Variants in DCDC2C observed in about 807,000 individuals in gnomAD.
DCDC2C encodes the protein doublecortin domain-containing protein 2C.
Under a neutral mutation model 45.0 loss-of-function variants are expected in DCDC2C, and 44 were observed. The observed-to-expected ratio is 0.98, with a 90% CI of 0.77 to 1.26. DCDC2C has a LOEUF of 1.26. DCDC2C is among the 50% of genes most tolerant of loss of function. The probability of loss-of-function intolerance (pLI) is 0.00; values close to 1 mark genes in which losing one functional copy is unlikely to be tolerated. For synonymous variants in DCDC2C, 187 were observed against 178.8 expected (o/e 1.05, Z -0.37); for missense variants, 447 against 468.9 (o/e 0.95, Z 0.43).
chr2:3,754,745 T>G, intron 6 of DCDC2C, 111 bp downstream of exon 6: 1 of 881,354 alleles, frequency 1.1e-6, no homozygotes, highest in South Asian at 1.8e-5. Flanking sequence ...AGAGCATCAG[T>G]GCCAGGGCCT....
chr2:3,725,403 C>T (rs899249538), intron 2 of DCDC2C, among the ~76,000 whole-genome samples: 2 of 97,814 alleles, frequency 2.0e-5, no homozygotes, highest in Non-Finnish European at 4.5e-5. Context: ...GGTGTAGGGG[C>T]AGAGAGTGAG....
chr2:3,760,083 T>G (rs1425817951), intron 6 of DCDC2C, among the ~76,000 whole-genome samples: 2 of 152,210 alleles, frequency 1.3e-5, no homozygotes, highest in Non-Finnish European at 2.9e-5. Flanking sequence ...TCCCTCTTAT[T>G]TTACTCTTCC....
chr2:3,846,046 G>A (rs1257542416), intron 10 of DCDC2C, among the ~76,000 whole-genome samples: 1 of 152,154 alleles, frequency 6.6e-6, no homozygotes, highest in Non-Finnish European at 1.5e-5. Context: ...AGTCACATGA[G>A]ACCTGTAGCT....
At chr2:3,739,822 A>G (rs962930826) in intron 3 of DCDC2C, among the ~76,000 whole-genome samples, 9 of 152,238 alleles carry the variant, frequency 5.9e-5, no homozygotes, top group African/African-American at 2.2e-4. Flanking sequence ...CAAGCCACCT[A>G]TACAGACGGC....
At chr2:3,819,482 G>GTA (rs1174721114) in intron 10 of DCDC2C, among the ~76,000 whole-genome samples, 10 of 152,322 alleles carry the variant, frequency 6.6e-5, no homozygotes, top group African/African-American at 1.9e-4. Flanking sequence ...GCAAGGAATT[G>GTA]CAACTCTTCT....
At chr2:3,756,078 G>A (rs1018485920) in intron 6 of DCDC2C, among the ~76,000 whole-genome samples, 1 of 150,580 alleles carries the variant, frequency 6.6e-6, no homozygotes, top group Non-Finnish European at 1.5e-5. Context: ...GGATGCATAT[G>A]TGTGTGTGTG....
intron 10 of DCDC2C, among the ~76,000 whole-genome samples, chr2:3,810,939 A>G (rs1321940128): frequency 6.6e-6 from 1 of 152,030 alleles, no homozygotes; most frequent in Admixed American, 6.5e-5. Flanking sequence ...ATTGGTCTAT[A>G]TGTCTGTTTT....
chr2:3,804,938 C>A (rs1671195528), intron 10 of DCDC2C, among the ~76,000 whole-genome samples: 1 of 152,244 alleles, frequency 6.6e-6, no homozygotes, highest in Admixed American at 6.5e-5. Flanking sequence ...TTACTTATAC[C>A]TTAGAAATAT....
chr2:3,746,946 G>C (rs1018431626), intron 4 of DCDC2C, among the ~76,000 whole-genome samples: 1 of 152,154 alleles, frequency 6.6e-6, no homozygotes, highest in African/African-American at 2.4e-5. Flanking sequence ...TGTGGACAAT[G>C]GCCTGGCCCT....
intron 10 of DCDC2C, among the ~76,000 whole-genome samples, chr2:3,827,279 G>A (rs1671845321): frequency 6.6e-6 from 1 of 152,174 alleles, no homozygotes; most frequent in East Asian, 1.9e-4. Context: ...GACACCAAAA[G>A]GCAAAGCCAC....
intron 10 of DCDC2C, among the ~76,000 whole-genome samples, chr2:3,801,497 A>T (rs955558170): frequency 6.6e-6 from 1 of 152,242 alleles, no homozygotes; most frequent in African/African-American, 2.4e-5. Context: ...ACATTTCTTA[A>T]TGTTTATGAG....
intron 8 of DCDC2C, among the ~76,000 whole-genome samples, chr2:3,770,780 C>T (rs539401489): frequency 2.0e-5 from 3 of 152,196 alleles, no homozygotes; most frequent in Non-Finnish European, 4.4e-5. Flanking sequence ...CATAACTTTG[C>T]GTATAATAAG....
At chr2:3,770,941 G>A (rs1166619574) in intron 8 of DCDC2C, among the ~76,000 whole-genome samples, 3 of 152,238 alleles carry the variant, frequency 2.0e-5, no homozygotes, top group African/African-American at 7.2e-5. Flanking sequence ...CCGTGGAGGA[G>A]GAGGGGCTTC....
At chr2:3,723,918 A>G (rs1378531108) in intron 2 of DCDC2C, among the ~76,000 whole-genome samples, 1 of 152,126 alleles carries the variant, frequency 6.6e-6, no homozygotes, top group East Asian at 1.9e-4. Flanking sequence ...CCATAACAAG[A>G]TAGAGGTACC....
Position 3,739,485 on chromosome 2 carries a change from G to A in DCDC2C, c.417-2435G>A, listed in dbSNP as rs1669132154. 3.9e-5 allele frequency among the ~76,000 whole-genome samples: 6 copies of A among 152,322 alleles called. 1 individual carries two copies. The South Asian group carries it at 1.2e-3, about 32-fold the overall frequency. On this transcript the variant is annotated intron_variant, in intron 3 of 10. Coordinates refer to ENST00000399143, the MANE Select transcript of DCDC2C (RefSeq NM_001287444.2). Reference sequence around the variant, plus strand: ...GCTGGACGTCGGGAGGAGCACATCGGCGGAGGAACACACAAGTGGCTGAAC... The same window carrying A: ...GCTGGACGTCGGGAGGAGCACATCGACGGAGGAACACACAAGTGGCTGAAC...
chr2:3,709,082 T>A (rs1490942758), intron 2 of DCDC2C, among the ~76,000 whole-genome samples: 2 of 152,238 alleles, frequency 1.3e-5, no homozygotes, highest in Non-Finnish European at 2.9e-5. Context: ...AATAACCATT[T>A]AATTTGTTTA....
chr2:3,739,661 C>G (rs1488163655), intron 3 of DCDC2C, among the ~76,000 whole-genome samples: 1 of 152,266 alleles, frequency 6.6e-6, no homozygotes, highest in Non-Finnish European at 1.5e-5. Context: ...GCTCCGCCAT[C>G]TGCTGAGAGC....
At chr2:3,792,822 C>A (rs535711355) in intron 10 of DCDC2C, among the ~76,000 whole-genome samples, 1 of 152,082 alleles carries the variant, frequency 6.6e-6, no homozygotes, top group Non-Finnish European at 1.5e-5. Context: ...GAAAATCAAA[C>A]GTGAAGAGGA....
chr2:3,751,478 C>T (rs1332347305), intron 4 of DCDC2C, among the ~76,000 whole-genome samples: 2 of 152,340 alleles, frequency 1.3e-5, no homozygotes, highest in East Asian at 3.9e-4. Context: ...GGGTCGGTCT[C>T]AGGCAGCAGC....
Sources: allele counts gnomAD v4.1 joint callset (sites outside exome capture counted in the v4.1 genomes callset), GRCh38; gene constraint gnomAD v4.1.1; transcripts MANE v1.5; gene names NCBI Gene and HGNC (gene_info 2026-07-23, HGNC 2026-07-21).